The following GRIN1 variants were observed in gnomAD, a reference collection of about 807,000 sequenced individuals.
The protein encoded by GRIN1 is glutamate receptor ionotropic, NMDA 1.
A neutral mutation model predicts 103.0 loss-of-function variants in GRIN1; 38 were observed. The observed-to-expected ratio is 0.37, with a 90% CI of 0.28 to 0.48. GRIN1 has a LOEUF of 0.48. Among genes scored for constraint, GRIN1 ranks in the 20% least tolerant of loss-of-function variants. The pLI is 0.98. For missense variants in GRIN1, 577 were observed against 1,288.9 expected (o/e 0.45, Z 8.46); for synonymous variants, 544 against 532.7 (o/e 1.02, Z -0.29).
chr9:137,155,552 A>T (rs1245778805), intron 4 of GRIN1, among the ~76,000 whole-genome samples: 4 of 152,166 alleles, frequency 2.6e-5, no homozygotes, highest in Admixed American at 2.6e-4. Context: ...AAAATTATCC[A>T]ACACTCAGGC....
intron 16 of GRIN1, 65 bp downstream of exon 16, chr9:137,163,395 G>C: frequency 6.4e-7 from 1 of 1,572,036 alleles, no homozygotes; most frequent in South Asian, 1.1e-5. Flanking sequence ...GCCCTCCCCA[G>C]TGCCAGACCA....
At chr9:137,163,073 C>A in intron 15 of GRIN1, 70 bp downstream of exon 15, 1 of 1,565,600 alleles carries the variant, frequency 6.4e-7, no homozygotes, top group Admixed American at 1.9e-5. Context: ...CTCCACCGGG[C>A]AGGAGAGCGT....
Position 137,139,849 on chromosome 9 carries a change from A to G in GRIN1, c.258+105A>G. The G allele has an allele frequency of 2.2e-6, 2 of 917,728 alleles. No homozygotes were observed. Among genetic ancestry groups the G allele is most frequent in the Non-Finnish European group, 3.5e-6 (2 of 568,406 alleles). 56.8% of individuals were successfully genotyped at this position (917,728 alleles called of 1,614,324 possible). Reference sequence around the variant, plus strand: ...TCCGTGCCCCCTTCCTCCCTGTAAGACACCACCCCAGAGTCAGCTGGCTGC... The same window carrying G: ...TCCGTGCCCCCTTCCTCCCTGTAAGGCACCACCCCAGAGTCAGCTGGCTGC... On this transcript the variant is annotated intron_variant, in intron 1 of 19. Transcript: ENST00000371561. The surrounding 1 kb of genome is among the most constrained non-coding windows in gnomAD (Gnocchi z 7.7).
chr9:137,140,403 T>C (rs1832105258), intron 1 of GRIN1, among the ~76,000 whole-genome samples: 1 of 152,232 alleles, frequency 6.6e-6, no homozygotes, highest in African/African-American at 2.4e-5. Context: ...GGATCTGCAA[T>C]GCAGCCCTTT....
In GRIN1 at chr9:137,156,981, GC is replaced by G. The variant is rs1564357802; in HGVS notation, c.914del (p.Pro305ArgfsTer21). On this transcript the variant is annotated frameshift_variant, in exon 6 of 20. Transcript: ENST00000371561. LOFTEE classifies it high-confidence loss of function. ...LLEKENITDP[P>X]RGCVGNTNIW... The stretch of plus-strand genomic sequence containing the variant: ...TCGAGAAGGAGAACATCACCGACCC[GC>G]CGCGGGGCTGCGTGGGCAACACCAA... 6.2e-7 allele frequency: 1 copy of G among 1,612,304 alleles called. No homozygotes were observed. Among genetic ancestry groups the G allele is most frequent in the Admixed American group, 1.7e-5 (1 of 59,994 alleles).
intron 6 of GRIN1, 45 bp downstream of exon 6, chr9:137,157,082 G>A (rs1275976823): frequency 6.5e-7 from 1 of 1,527,816 alleles, no homozygotes; most frequent in African/African-American, 1.4e-5. Flanking sequence ...CTCTTGGGGA[G>A]GTGGGCGGGG....
intron 12 of GRIN1, 54 bp from the exon 13 acceptor site, chr9:137,162,350 G>A (rs927817433): frequency 3.7e-5 from 57 of 1,538,540 alleles, no homozygotes; most frequent in East Asian, 4.8e-5. Flanking sequence ...GGCCAGGGGC[G>A]GGGCAGGGCC....
chr9:137,156,640 C>T, intron 4 of GRIN1, 29 bp from the exon 5 acceptor site: 1 of 1,595,076 alleles, frequency 6.3e-7, no homozygotes, highest in Non-Finnish European at 8.5e-7. Flanking sequence ...TGCTGGAGTC[C>T]TGGCCCGTCA....
chr9:137,161,132 C>G lies in GRIN1; in HGVS notation c.1274C>G (p.Thr425Arg). Residue 425 changes from threonine (T) to arginine (R), a missense_variant, in exon 9 of 20, where the codon ACA becomes AGA. By Grantham distance (71) the Thr-to-Arg change is moderately conservative. Around this residue, in one of 9 missense-constraint regions of GRIN1, gnomAD observed 96 missense variants for 145.0 expected, o/e 0.66. Coordinates refer to ENST00000371561, the MANE Select transcript of GRIN1 (RefSeq NM_007327.4). ...LSDGTCKEEF[T>R]VNGDPVKKVI... ...GATGGGACATGCAAGGAGGAGTTCA[C>G]AGTCAACGGCGACCCAGTCAAGAAG... 6.2e-7 allele frequency: 1 copy of G among 1,612,768 alleles called. No individual in the cohort carries two copies. The highest frequency in any genetic ancestry group is 8.5e-7 in the Non-Finnish European group (1 of 1,179,880).
chr9:137,150,301 G>T (rs1832764957), intron 4 of GRIN1, among the ~76,000 whole-genome samples: 1 of 152,070 alleles, frequency 6.6e-6, no homozygotes, highest in Non-Finnish European at 1.5e-5. Flanking sequence ...AAGAAGGAAT[G>T]CCCCGCCCAG....
At position 137,168,617 on chromosome 9, in the gene GRIN1, C is replaced by A. The variant is rs897684585; in HGVS notation, c.*1090C>A. The A allele has an allele frequency of 5.9e-6, 2 of 338,490 alleles. No individual in the cohort carries two copies. The highest frequency in any genetic ancestry group is 9.8e-5 in the Admixed American group (2 of 20,404). 21.0% of individuals were successfully genotyped at this position (338,490 alleles called of 1,614,324 possible). A position where few individuals can be genotyped will look rare whatever the true frequency, so the allele number is the denominator to read the frequency against. On this transcript the variant is annotated 3_prime_UTR_variant, in exon 20 of 20. Transcript: ENST00000371561. ...GCCACCTTGTACAGAACCAGCACTC[C>A]CAGGGCCCGAGCGCGTGCCTTCCCC...
chr9:137,149,070 C>T lies in GRIN1; in HGVS notation c.632C>T (p.Ala211Val), dbSNP rs11575901. The T allele has an allele frequency of 1.9e-6, 3 of 1,613,268 alleles. No homozygotes were observed. The highest frequency in any genetic ancestry group is 2.2e-5 in the East Asian group (1 of 44,876). ...AACGTGACGGCCCTGCTGATGGAGG[C>T]GAAAGAGCTGGAGGCCCGGGTCATC... Reference protein sequence around the residue: ...TKNVTALLMEAKELEARVIIL... With the variant: ...TKNVTALLMEVKELEARVIIL... Residue 211 changes from alanine to valine, a missense_variant, in exon 4 of 20, where the codon GCG becomes GTG. This residue lies in a region of GRIN1 where 308 missense variants were observed against 553.6 expected (regional missense o/e 0.56). Transcript: ENST00000371561.
At chr9:137,158,735 C>T in intron 8 of GRIN1, 31 bp downstream of exon 8, 2 of 1,513,568 alleles carry the variant, frequency 1.3e-6, no homozygotes, top group Non-Finnish European at 1.8e-6. Flanking sequence ...CCTCAGTGTC[C>T]CCACCCCAGA....
chr9:137,140,816 A>G (rs140013228), intron 1 of GRIN1, among the ~76,000 whole-genome samples: 2,811 of 152,294 alleles, frequency 0.018, 37 homozygotes, highest in Non-Finnish European at 0.027. Flanking sequence ...TGCAGGCTGG[A>G]AGCAAGAGCT....
intron 19 of GRIN1, chr9:137,165,559 G>A (rs971368878): frequency 2.5e-5 from 13 of 526,460 alleles, no homozygotes; most frequent in South Asian, 4.0e-5. Context: ...TGACCCACAC[G>A]CCATCTTGAA....
chr9:137,141,894 C>T, intron 1 of GRIN1, 119 bp from the exon 2 acceptor site: 2 of 1,072,496 alleles, frequency 1.9e-6, no homozygotes, highest in Non-Finnish European at 2.9e-6. Flanking sequence ...GTACCCGAAT[C>T]ATGCCCCCAG....
At chr9:137,150,321 C>A (rs1390319356) in intron 4 of GRIN1, among the ~76,000 whole-genome samples, 1 of 151,918 alleles carries the variant, frequency 6.6e-6, no homozygotes, top group East Asian at 1.9e-4. Context: ...GGGAAAGACC[C>A]GCCCAGAAAA....
rs1212805660 is a variant in GRIN1 at position 137,145,756 on chromosome 9, C to T, written c.424C>T (p.Pro142Ser). The T allele has an allele frequency of 6.2e-7, 1 of 1,613,402 alleles. No individual in the cohort carries two copies. Among genetic ancestry groups the T allele is most frequent in the Non-Finnish European group, 8.5e-7 (1 of 1,179,604 alleles). ...CCACCTGAGCTTCCTGCGCACCGTG[C>T]CGCCCTACTCCCACCAGTCCAGCGT... The part of the protein sequence containing the change: ...SIHLSFLRTV[P>S]PYSHQSSVWF... The change falls in exon 3 of 20, where the codon CCG (proline) becomes TCG (serine). Residue 142 changes from proline to serine, a missense_variant. Physicochemically the swap from Pro to Ser is moderately conservative, Grantham distance 74. Coordinates refer to ENST00000371561, the MANE Select transcript of GRIN1 (RefSeq NM_007327.4).
At chr9:137,156,387 C>T (rs1202377514) in intron 4 of GRIN1, among the ~76,000 whole-genome samples, 2 of 96,400 alleles carry the variant, frequency 2.1e-5, no homozygotes, top group Admixed American at 1.0e-4. Flanking sequence ...CACCCCTGCT[C>T]CCCCAAGGTA....
Sources: gnomAD v4.1 joint callset for allele counts (sites outside exome capture counted in the v4.1 genomes callset) on GRCh38, gnomAD v4.1.1 for gene constraint, gnomAD v4.1.1 regional missense constraint, Gnocchi (gnomAD v3.1) non-coding constraint, MANE v1.5 for transcripts, NCBI Gene and HGNC (gene_info 2026-07-23, HGNC 2026-07-21) for gene names.